The following DIAPH3 variants were observed in gnomAD, a reference collection of about 807,000 sequenced individuals.
DIAPH3 encodes diaphanous related formin 3, also known as protein diaphanous homolog 3.
In DIAPH3, 117 loss-of-function variants were observed where a neutral mutation model predicts 144.3. The observed-to-expected ratio is 0.81, with a 90% CI of 0.70 to 0.95. The LOEUF (loss-of-function observed/expected upper bound fraction) is 0.95. DIAPH3 is among the 40% of genes least tolerant of loss of function. DIAPH3 has a pLI of 0.00. For missense variants in DIAPH3, 1,421 were observed against 1,412.7 expected (o/e 1.01, Z -0.09); for synonymous variants, 519 against 488.9 (o/e 1.06, Z -0.81).
rs77881346 is a variant in DIAPH3 at position 60,070,659 on chromosome 13, T to C, written c.495+22969A>G. Among the ~76,000 whole-genome samples, 38 of 152,290 alleles carry C rather than the reference T, an allele frequency of 2.5e-4. 2 individuals are homozygous for C. The East Asian group carries it at 7.3e-3, about 29-fold the overall frequency. Reference sequence around the variant, plus strand: ...TTCAAGCCAATAAAATTTCCCTTTTTGCTCAAATTATCTCAAGTTAGGCTT... The same window carrying C: ...TTCAAGCCAATAAAATTTCCCTTTTCGCTCAAATTATCTCAAGTTAGGCTT... On this transcript the variant is annotated intron_variant, in intron 4 of 27. Coordinates refer to ENST00000400324, the MANE Select transcript of DIAPH3 (RefSeq NM_001042517.2).
chr13:59,911,796 G>T lies in DIAPH3; in HGVS notation c.2306C>A (p.Ser769Ter), dbSNP rs1368030058. ...ATATTCACTCTTGAACTGAGACAAT[G>T]AATTTAATTGCTCTTGATCAGGAAG... ...KHLPDQEQLN[S>*]LSQFKSEYSN... Residue 769 changes from serine to a stop codon, truncating the protein, a stop_gained, in exon 20 of 28, where the codon TCA becomes TAA. Coordinates refer to ENST00000400324, the MANE Select transcript of DIAPH3 (RefSeq NM_001042517.2). LOFTEE classifies it high-confidence loss of function. 1.9e-6 allele frequency: 3 copies of T among 1,613,444 alleles called. No homozygotes were observed. Among genetic ancestry groups the T allele is most frequent in the Non-Finnish European group, 2.5e-6 (3 of 1,179,586 alleles).
At chr13:60,092,585 A>G (rs2057981488) in intron 4 of DIAPH3, among the ~76,000 whole-genome samples, 1 of 152,044 alleles carries the variant, frequency 6.6e-6, no homozygotes, top group Non-Finnish European at 1.5e-5. Flanking sequence ...CGGGAGGCGG[A>G]GCTTGCAGTG....
chr13:59,903,052 AG>A (rs1459617199), intron 20 of DIAPH3, among the ~76,000 whole-genome samples: 1 of 152,206 alleles, frequency 6.6e-6, no homozygotes, highest in Non-Finnish European at 1.5e-5. Context: ...AGAAGACAGT[AG>A]ATTCTGCCAA....
chr13:60,137,698 T>TTAAA (rs1447405091), intron 1 of DIAPH3, among the ~76,000 whole-genome samples: 1 of 152,086 alleles, frequency 6.6e-6, no homozygotes, highest in East Asian at 1.9e-4. Flanking sequence ...GGTAGCATTT[T>TTAAA]TAAATAATCT....
intron 5 of DIAPH3, among the ~76,000 whole-genome samples, chr13:60,024,645 T>C (rs900840352): frequency 3.9e-5 from 6 of 152,358 alleles, no homozygotes; most frequent in African/African-American, 1.4e-4. Context: ...GTGATTTTCC[T>C]GCTTCTTGGT....
At chr13:59,867,910 C>G (rs183304967) in intron 21 of DIAPH3, among the ~76,000 whole-genome samples, 2 of 151,976 alleles carry the variant, frequency 1.3e-5, no homozygotes, top group Admixed American at 1.3e-4. Flanking sequence ...GATTAGAATA[C>G]AAATATATTT....
At position 60,044,966 on chromosome 13, in the gene DIAPH3, T is replaced by C. The variant is rs530705298; in HGVS notation, c.496-2146A>G. On this transcript the variant is annotated intron_variant, in intron 4 of 27. Transcript: ENST00000400324. ...GCTGCCATGTAAGATGTGACTTTGC[T>C]CTTCCTTTGCCTTCTGCCATGATTG... Among the ~76,000 whole-genome samples the C allele has an allele frequency of 1.3e-4, 20 of 152,322 alleles. No individual in the cohort carries two copies. The East Asian group carries it at 1.5e-3, about 12-fold the overall frequency.
chr13:60,102,643 C>A (rs947133082), intron 3 of DIAPH3, among the ~76,000 whole-genome samples: 8 of 152,154 alleles, frequency 5.3e-5, no homozygotes, highest in African/African-American at 1.9e-4. Context: ...AGTTCCAACT[C>A]TGGAGGTAGA....
chr13:59,848,261 C>A (rs984400122), intron 22 of DIAPH3, among the ~76,000 whole-genome samples: 1 of 151,186 alleles, frequency 6.6e-6, no homozygotes, highest in East Asian at 1.9e-4. Flanking sequence ...TGCTCAAAAC[C>A]TTCCGTGGCT....
At chr13:59,976,618 C>T (rs916988605) in intron 14 of DIAPH3, among the ~76,000 whole-genome samples, 1 of 151,778 alleles carries the variant, frequency 6.6e-6, no homozygotes, top group Non-Finnish European at 1.5e-5. Flanking sequence ...TCCTGCTACT[C>T]CTTGAGTGCT....
At position 59,870,583 on chromosome 13, in the gene DIAPH3, G is replaced by A. The variant is rs550579437; in HGVS notation, c.2607+8646C>T. 5.9e-5 allele frequency among the ~76,000 whole-genome samples: 9 copies of A among 151,744 alleles called. No individual in the cohort carries two copies. The South Asian group carries it at 1.7e-3, about 28-fold the overall frequency. On this transcript the variant is annotated intron_variant, in intron 21 of 27. Coordinates refer to ENST00000400324, the MANE Select transcript of DIAPH3 (RefSeq NM_001042517.2). ...GTTGGGAAGAAACGACACCTTAATA[G>A]TACTGAGACATGCTTTCTATGAACA... is the stretch of plus-strand genomic sequence containing the variant.
intron 17 of DIAPH3, among the ~76,000 whole-genome samples, chr13:59,962,868 T>A (rs1298974688): frequency 6.6e-6 from 1 of 152,184 alleles, no homozygotes; most frequent in Admixed American, 6.5e-5. Flanking sequence ...TTTTAAATGA[T>A]ATTTCAACTT....
chr13:60,035,895 G>C (rs2055175954), intron 5 of DIAPH3, among the ~76,000 whole-genome samples: 1 of 152,188 alleles, frequency 6.6e-6, no homozygotes, highest in Admixed American at 6.5e-5. Flanking sequence ...TACCAGAGAT[G>C]TTTCTACAAC....
rs41293422 is a variant in DIAPH3, at chr13:59,666,695, C to T, written c.3471G>A (p.Ala1157=). ...TTTTTCTGTTGCTTTCTACATTACA[C>T]GCTTCCTTCTTCTCAGCTGCCTTGA... ...GRIKAAEKKE[A]CNVESNRKKE... is the part of the protein sequence containing the mutation. The change falls in exon 28 of 28, where the codon GCG becomes GCA. Residue 1157 remains alanine, a synonymous_variant. Coordinates refer to ENST00000400324, the MANE Select transcript of DIAPH3 (RefSeq NM_001042517.2). The T allele has an allele frequency of 0.052, 83,682 of 1,614,044 alleles. 2,270 individuals are homozygous for T. Among genetic ancestry groups the T allele is most frequent in the African/African-American group, 0.054 (4,053 of 75,018 alleles).
At position 59,666,595 on chromosome 13, in the gene DIAPH3, G is replaced by A. The variant is rs546723182; in HGVS notation, c.3571C>T (p.Arg1191Ter). 5.5e-5 allele frequency: 89 copies of A among 1,613,858 alleles called. No individual in the cohort carries two copies. Among genetic ancestry groups the A allele is most frequent in the Non-Finnish European group, 6.9e-5 (82 of 1,179,966 alleles). Reference sequence around the variant, plus strand: ...AAAACCAGTTTAACTTATAAAGCTCGTAATCTTGCCAGCAGGGCTTCAACT... The same window carrying A: ...AAAACCAGTTTAACTTATAAAGCTCATAATCTTGCCAGCAGGGCTTCAACT... Reference protein sequence around the residue: ...PEVEALLARLRAL With the variant: ...PEVEALLARL Residue 1191 changes from arginine to a stop codon, truncating the protein, a stop_gained, in exon 28 of 28, where the codon CGA (arginine) becomes TGA (stop). Transcript: ENST00000400324. LOFTEE classifies it high-confidence loss of function.
At chr13:60,014,969 T>G (rs558168702) in intron 7 of DIAPH3, among the ~76,000 whole-genome samples, 1 of 147,000 alleles carries the variant, frequency 6.8e-6, no homozygotes, top group African/African-American at 2.5e-5. Context: ...TTTTCTAGTT[T>G]TTTTGTTTTG....
At chr13:59,905,937 T>C (rs920726773) in intron 20 of DIAPH3, among the ~76,000 whole-genome samples, 1 of 152,188 alleles carries the variant, frequency 6.6e-6, no homozygotes, top group African/African-American at 2.4e-5. Context: ...ACTTGTGTTG[T>C]TTTAAGCCAC....
At chr13:59,778,395 G>A (rs1440043877) in intron 25 of DIAPH3, among the ~76,000 whole-genome samples, 2 of 152,190 alleles carry the variant, frequency 1.3e-5, no homozygotes, top group Admixed American at 6.5e-5. Flanking sequence ...GGCAAAATGC[G>A]ACTATTATAT....
chr13:59,959,843 A>G (rs1364576393), intron 17 of DIAPH3, among the ~76,000 whole-genome samples: 2 of 152,236 alleles, frequency 1.3e-5, no homozygotes, highest in East Asian at 3.8e-4. Flanking sequence ...GCAATAGAAA[A>G]CTAATACAAA....
Sources: gnomAD v4.1 joint callset for allele counts (sites outside exome capture counted in the v4.1 genomes callset) on GRCh38, gnomAD v4.1.1 for gene constraint, MANE v1.5 for transcripts, NCBI Gene and HGNC (gene_info 2026-07-23, HGNC 2026-07-21) for gene names.